Variants in CCSER1 observed in about 807,000 individuals in gnomAD.
CCSER1 encodes the protein coiled-coil serine rich protein 1.
Under a neutral mutation model 82.0 loss-of-function variants are expected in CCSER1, and 41 were observed. That is an observed-to-expected ratio of 0.50 (90% CI 0.39 to 0.65). The LOEUF is 0.65. Among genes scored for constraint, CCSER1 ranks in the 30% least tolerant of loss-of-function variants. CCSER1 has a pLI of 0.00. For synonymous variants in CCSER1, 414 were observed against 383.9 expected (o/e 1.08, Z -0.92); for missense variants, 1,119 against 1,064.2 (o/e 1.05, Z -0.72).
intron 2 of CCSER1, among the ~76,000 whole-genome samples, chr4:90,310,568 T>A (rs1028835352): frequency 1.3e-5 from 2 of 152,104 alleles, no homozygotes; most frequent in Admixed American, 6.5e-5. Flanking sequence ...ATAAACTGTG[T>A]GTCCACAATC....
At chr4:90,566,362 A>G (rs928609499) in intron 5 of CCSER1, among the ~76,000 whole-genome samples, 2 of 151,788 alleles carry the variant, frequency 1.3e-5, no homozygotes, top group Non-Finnish European at 2.9e-5. Flanking sequence ...TTTAAGAAGA[A>G]TTGGTATTTA....
At chr4:91,315,668 C>A (rs974916981) in intron 10 of CCSER1, among the ~76,000 whole-genome samples, 1 of 151,912 alleles carries the variant, frequency 6.6e-6, no homozygotes, top group Non-Finnish European at 1.5e-5. Flanking sequence ...TCCACTTGAT[C>A]AGTAATAATT....
In CCSER1 at chr4:90,932,980, A is replaced by AAGAAAGAGAGAG. The variant is rs1730218042; in HGVS notation, c.2172+9536_2172+9537insAAGAGAGAGAGA. Among the ~76,000 whole-genome samples the AAGAAAGAGAGAG allele has an allele frequency of 1.4e-4, 3 of 21,938 alleles. 1 individual carries two copies. Among genetic ancestry groups the AAGAAAGAGAGAG allele is most frequent in the Non-Finnish European group, 2.5e-4 (3 of 11,784 alleles). 14.4% of individuals were successfully genotyped at this position (21,938 alleles called of 152,430 possible). ...AAAGAAAGAAAGAAAGAAAGAAAGA[A>AAGAAAGAGAGAG]AGAGAAAGAAAGAAAGAAAGAAAGA... On this transcript the variant is annotated intron_variant, in intron 9 of 10. Transcript: ENST00000509176.
intron 5 of CCSER1, among the ~76,000 whole-genome samples, chr4:90,615,289 G>T (rs924468760): frequency 3.3e-5 from 5 of 152,152 alleles, no homozygotes; most frequent in Non-Finnish European, 7.4e-5. Context: ...CTCATGGATC[G>T]TTGAGGAATT....
chr4:91,459,955 A>G (rs1756410362), intron 10 of CCSER1, among the ~76,000 whole-genome samples: 1 of 152,152 alleles, frequency 6.6e-6, no homozygotes. Flanking sequence ...AAAAAGCCTA[A>G]GAGATAGAAA....
intron 6 of CCSER1, among the ~76,000 whole-genome samples, chr4:90,644,674 T>C (rs1256269244): frequency 6.6e-6 from 1 of 151,678 alleles, no homozygotes; most frequent in African/African-American, 2.4e-5. Context: ...TCTGTCCATG[T>C]GTTCTCATTA....
chr4:90,727,069 C>T (rs1469858018), intron 7 of CCSER1: 1 of 347,076 alleles, frequency 2.9e-6, no homozygotes, highest in Non-Finnish European at 5.6e-6. Flanking sequence ...TGAGGAGTTT[C>T]TAGGATGCTT....
intron 10 of CCSER1, among the ~76,000 whole-genome samples, chr4:91,156,466 C>A (rs2148965876): frequency 6.6e-6 from 1 of 151,584 alleles, no homozygotes; most frequent in Non-Finnish European, 1.5e-5. Context: ...CCCAGAATTT[C>A]TCATATTTAT....
intron 10 of CCSER1, among the ~76,000 whole-genome samples, chr4:91,321,568 A>AT (rs1319232281): frequency 2.0e-5 from 3 of 152,000 alleles, no homozygotes; most frequent in African/African-American, 7.2e-5. Flanking sequence ...CATTTAACTT[A>AT]TTTTTTTATT....
At chr4:90,395,534 C>T (rs562186543) in intron 3 of CCSER1, among the ~76,000 whole-genome samples, 75 of 152,100 alleles carry the variant, frequency 4.9e-4, no homozygotes, top group Admixed American at 3.3e-4. Context: ...GAGTTGTCAA[C>T]TAGATGACTG....
At chr4:90,292,293 A>G (rs1043909253) in intron 1 of CCSER1, among the ~76,000 whole-genome samples, 5 of 151,996 alleles carry the variant, frequency 3.3e-5, no homozygotes, top group Admixed American at 3.3e-4. Flanking sequence ...AAAAAATGAT[A>G]TTCAGATATA....
At chr4:90,529,857 A>C (rs1774273166) in intron 5 of CCSER1, among the ~76,000 whole-genome samples, 1 of 151,870 alleles carries the variant, frequency 6.6e-6, no homozygotes, top group South Asian at 2.1e-4. Context: ...TGCTCTATTA[A>C]GTAAAGGGAA....
intron 7 of CCSER1, among the ~76,000 whole-genome samples, chr4:90,757,657 A>G (rs866438367): frequency 1.3e-5 from 2 of 152,180 alleles, no homozygotes; most frequent in Non-Finnish European, 2.9e-5. Context: ...AAATGGCTGA[A>G]GAGTCCACAT....
chr4:91,513,756 G>A (rs771441386), intron 10 of CCSER1, among the ~76,000 whole-genome samples: 3 of 152,062 alleles, frequency 2.0e-5, no homozygotes, highest in African/African-American at 4.8e-5. Context: ...ACAGAGAAGT[G>A]TTCCTAATAG....
chr4:91,143,500 G>T (rs745701525), intron 10 of CCSER1, among the ~76,000 whole-genome samples: 1 of 151,854 alleles, frequency 6.6e-6, no homozygotes, highest in Non-Finnish European at 1.5e-5. Flanking sequence ...CTCTAATTAG[G>T]ACTTCCAGTA....
intron 5 of CCSER1, among the ~76,000 whole-genome samples, chr4:90,611,513 T>C (rs879279588): frequency 6.6e-5 from 10 of 152,058 alleles, no homozygotes; most frequent in Admixed American, 2.6e-4. Context: ...AGATATCCAT[T>C]TGCTAATGTC....
At chr4:90,722,846 G>C (rs1742910719) in intron 6 of CCSER1, among the ~76,000 whole-genome samples, 1 of 151,920 alleles carries the variant, frequency 6.6e-6, no homozygotes, top group Non-Finnish European at 1.5e-5. Flanking sequence ...TTTGAATACA[G>C]TGAATTGAAA....
intron 10 of CCSER1, among the ~76,000 whole-genome samples, chr4:91,433,505 G>A (rs537475213): frequency 6.6e-6 from 1 of 152,074 alleles, no homozygotes; most frequent in African/African-American, 2.4e-5. Flanking sequence ...TCCCTACACA[G>A]GTGTACCATT....
intron 1 of CCSER1, among the ~76,000 whole-genome samples, chr4:90,200,061 G>GACACACACACACAC (rs71596519): frequency 0.011 from 1,656 of 144,932 alleles, 38 homozygotes; most frequent in East Asian, 0.084. Context: ...CGTGCACGCA[G>GACACACACACACAC]ACACACACAC....
Sources: allele counts gnomAD v4.1 joint callset (sites outside exome capture counted in the v4.1 genomes callset), GRCh38; gene constraint gnomAD v4.1.1; transcripts MANE v1.5; gene names NCBI Gene and HGNC (gene_info 2026-07-23, HGNC 2026-07-21).